VRK2: variants seen among roughly 807,000 people sequenced by gnomAD.
The protein encoded by VRK2 is serine/threonine-protein kinase VRK2.
VRK2 carries 60 observed loss-of-function variants against 57.6 expected under a neutral mutation model. The ratio of observed to expected loss-of-function variants is 1.04; its 90% CI spans 0.85 to 1.29. The LOEUF (loss-of-function observed/expected upper bound fraction) is 1.29, where lower values mean the gene tolerates loss of function less well. Among genes scored for constraint, VRK2 ranks in the 50% most tolerant of loss-of-function variants. The pLI, the probability that VRK2 is intolerant of heterozygous loss-of-function variation, is 0.00. For missense variants in VRK2, 705 were observed against 588.1 expected (o/e 1.20, Z -2.06); for synonymous variants, 231 against 199.2 (o/e 1.16, Z -1.35).
intron 1 of VRK2, among the ~76,000 whole-genome samples, chr2:57,977,722 C>A (rs1672294258): frequency 6.6e-6 from 1 of 151,140 alleles, no homozygotes; most frequent in Non-Finnish European, 1.5e-5. Flanking sequence ...TTTTTCTTGC[C>A]TGATGGCTCT....
Position 57,935,363 on chromosome 2 carries a change from C to A in VRK2, c.-439+27524C>A, listed in dbSNP as rs188895767. ...CTTAAGACTGTATGCCTTCTTCCAA[C>A]CCCAAAAATCCAGGCTGGATGCTGA... On this transcript the variant is annotated intron_variant, in intron 1 of 15. Transcript: ENST00000417641. Among the ~76,000 whole-genome samples, 21 of 152,224 alleles carry A rather than the reference C, an allele frequency of 1.4e-4. No individual in the cohort carries two copies. The East Asian group carries it at 3.3e-3, about 24-fold the overall frequency.
chr2:57,963,557 T>G (rs1572911376), intron 1 of VRK2, among the ~76,000 whole-genome samples: 1 of 152,216 alleles, frequency 6.6e-6, no homozygotes, highest in East Asian at 1.9e-4. Flanking sequence ...TACCGTATGC[T>G]GCATGCTTTT....
chr2:58,090,542 C>T (rs1213163543), intron 7 of VRK2, among the ~76,000 whole-genome samples: 2 of 152,088 alleles, frequency 1.3e-5, no homozygotes, highest in East Asian at 3.9e-4. Flanking sequence ...CAGTACAGTA[C>T]CAACTGCTGA....
intron 1 of VRK2, among the ~76,000 whole-genome samples, chr2:57,937,195 A>C (rs1359347426): frequency 6.6e-6 from 1 of 152,222 alleles, no homozygotes; most frequent in Non-Finnish European, 1.5e-5. Flanking sequence ...TTAATTACAA[A>C]GACATAAAGT....
intron 1 of VRK2, among the ~76,000 whole-genome samples, chr2:57,964,897 A>C (rs1410413187): frequency 1.1e-4 from 17 of 151,160 alleles, no homozygotes; most frequent in African/African-American, 1.7e-4. Flanking sequence ...AAAAAAAAAA[A>C]AAAAAAAAAA....
intron 1 of VRK2, among the ~76,000 whole-genome samples, chr2:58,016,560 T>C (rs544821804): frequency 1.3e-5 from 2 of 152,228 alleles, no homozygotes; most frequent in East Asian, 1.9e-4. Context: ...GGATTCACCA[T>C]GTTGGCCAGG....
intron 1 of VRK2, among the ~76,000 whole-genome samples, chr2:57,997,544 G>C (rs1446727690): frequency 6.6e-6 from 1 of 152,212 alleles, no homozygotes; most frequent in African/African-American, 2.4e-5. Flanking sequence ...CAGGTATTGT[G>C]AATGAGCTAA....
At chr2:58,137,090 GTATA>G in intron 10 of VRK2, among the ~76,000 whole-genome samples, 1 of 120,126 alleles carries the variant, frequency 8.3e-6, no homozygotes, top group Non-Finnish European at 1.6e-5. Flanking sequence ...ATATATATGT[GTATA>G]TATCATATAT....
chr2:58,118,630 G>T (rs1166715243), intron 7 of VRK2, among the ~76,000 whole-genome samples: 2 of 152,206 alleles, frequency 1.3e-5, no homozygotes, highest in Non-Finnish European at 2.9e-5. Flanking sequence ...TTCTCATGGA[G>T]CAAAGAGCAG....
At chr2:58,109,821 C>T (rs536097266) in intron 7 of VRK2, among the ~76,000 whole-genome samples, 1 of 152,194 alleles carries the variant, frequency 6.6e-6, no homozygotes, top group Non-Finnish European at 1.5e-5. Context: ...TCTTATAACT[C>T]ACCAGAGAGA....
chr2:58,024,957 T>C (rs1217330273), intron 1 of VRK2, among the ~76,000 whole-genome samples: 3 of 152,228 alleles, frequency 2.0e-5, no homozygotes, highest in African/African-American at 7.2e-5. Context: ...ATATTGCTTT[T>C]ACACATGGGG....
chr2:58,014,921 C>T (rs1314789518), intron 1 of VRK2, among the ~76,000 whole-genome samples: 2 of 151,874 alleles, frequency 1.3e-5, no homozygotes, highest in East Asian at 1.9e-4. Context: ...AACTCTGCTT[C>T]TTTTTTTTAG....
chr2:58,058,482 A>G, intron 2 of VRK2: 4 of 459,774 alleles, frequency 8.7e-6, no homozygotes, highest in South Asian at 6.4e-5. Context: ...CATAGCTTCC[A>G]TTTCAGGTAT....
At chr2:57,952,012 G>A (rs957532766) in intron 1 of VRK2, among the ~76,000 whole-genome samples, 20 of 149,252 alleles carry the variant, frequency 1.3e-4, no homozygotes, top group Admixed American at 4.7e-4. Context: ...TCCCGCCACA[G>A]CCTCCTGAGT....
At chr2:57,926,727 T>C (rs1472054584) in intron 1 of VRK2, among the ~76,000 whole-genome samples, 5 of 151,880 alleles carry the variant, frequency 3.3e-5, no homozygotes, top group African/African-American at 7.2e-5. Context: ...TTTAGTCTTT[T>C]TTTCATCTTT....
chr2:57,975,285 A>C (rs1404954495), intron 1 of VRK2, among the ~76,000 whole-genome samples: 1 of 152,070 alleles, frequency 6.6e-6, no homozygotes, highest in Non-Finnish European at 1.5e-5. Flanking sequence ...CTCCAAACAC[A>C]TAAAAATGCT....
intron 1 of VRK2, among the ~76,000 whole-genome samples, chr2:57,991,083 A>G (rs1672752012): frequency 6.6e-6 from 1 of 152,132 alleles, no homozygotes; most frequent in Non-Finnish European, 1.5e-5. Context: ...TTTAATCTAC[A>G]TCCTATCCTT....
chr2:58,107,118 A>C (rs1053706690), intron 7 of VRK2, among the ~76,000 whole-genome samples: 1 of 152,168 alleles, frequency 6.6e-6, no homozygotes, highest in East Asian at 1.9e-4. Context: ...TTTCATAAGT[A>C]TGCATGTAAT....
chr2:57,941,493 T>G (rs1167728421), intron 1 of VRK2, among the ~76,000 whole-genome samples: 1 of 152,174 alleles, frequency 6.6e-6, no homozygotes, highest in East Asian at 1.9e-4. Context: ...AATCTGATGT[T>G]TGTATATATT....
Sources: gnomAD v4.1 joint callset for allele counts (sites outside exome capture counted in the v4.1 genomes callset) on GRCh38, gnomAD v4.1.1 for gene constraint, MANE v1.5 for transcripts, NCBI Gene and HGNC (gene_info 2026-07-23, HGNC 2026-07-21) for gene names.